The following FAM78B variants were observed in gnomAD, a reference collection of about 807,000 sequenced individuals.
The protein encoded by FAM78B is protein FAM78B.
A neutral mutation model predicts 20.0 loss-of-function variants in FAM78B; 10 were observed. The observed-to-expected ratio is 0.50, with a 90% CI of 0.31 to 0.85. The LOEUF is 0.85. FAM78B is among the 40% of genes least tolerant of loss of function. The pLI is 0.05. For synonymous variants in FAM78B, 135 were observed against 132.8 expected (o/e 1.02, Z -0.12); for missense variants, 283 against 345.0 (o/e 0.82, Z 1.42).
At chr1:166,118,603 CTT>C (rs1654348906) in intron 1 of FAM78B, among the ~76,000 whole-genome samples, 1 of 152,100 alleles carries the variant, frequency 6.6e-6, no homozygotes, top group Non-Finnish European at 1.5e-5. Context: ...TATATATTCT[CTT>C]TGACTGTTTT....
At position 166,107,641 on chromosome 1, in the gene FAM78B, A is replaced by G. The variant is rs1224613726; in HGVS notation, c.264-36878T>C. The stretch of plus-strand genomic sequence containing the variant: ...GAAGGAACCTTCCCTAATTCATTCT[A>G]TGAAGCCAGTATCACCCTAATACCA... On this transcript the variant is annotated intron_variant, in intron 1 of 1. Transcript: ENST00000354422. Among the ~76,000 whole-genome samples, 4 of 152,198 alleles carry G rather than the reference A, an allele frequency of 2.6e-5. No individual in the cohort carries two copies. The East Asian group carries it at 7.7e-4, about 29-fold the overall frequency.
In FAM78B at chr1:166,121,766, G is replaced by T. The variant is rs189553960; in HGVS notation, c.263+44220C>A. On this transcript the variant is annotated intron_variant, in intron 1 of 1. Transcript: ENST00000354422. ...TTACTACCGTCATTCTATAGATGAG[G>T]AACCTGAGACAGAGAGCAGGTAAGC... Among the ~76,000 whole-genome samples the T allele has an allele frequency of 1.4e-4, 21 of 152,268 alleles. No individual in the cohort carries two copies. The East Asian group carries it at 3.5e-3, about 25-fold the overall frequency.
At chr1:166,152,331 G>C (rs374069324) in intron 1 of FAM78B, among the ~76,000 whole-genome samples, 7 of 152,202 alleles carry the variant, frequency 4.6e-5, no homozygotes, top group Admixed American at 4.6e-4. Flanking sequence ...TTCCACGCTG[G>C]CGGGATGCGG....
chr1:166,106,657 G>A (rs2101752583), intron 1 of FAM78B, among the ~76,000 whole-genome samples: 1 of 152,192 alleles, frequency 6.6e-6, no homozygotes, highest in South Asian at 2.1e-4. Flanking sequence ...TGCTAAGTAG[G>A]AGCTAAACAT....
chr1:166,118,391 T>C (rs1313812332), intron 1 of FAM78B, among the ~76,000 whole-genome samples: 1 of 152,170 alleles, frequency 6.6e-6, no homozygotes, highest in Non-Finnish European at 1.5e-5. Context: ...TAATGTATAG[T>C]TTCAGTTAAT....
chr1:166,117,079 G>A (rs986432053), intron 1 of FAM78B, among the ~76,000 whole-genome samples: 7 of 152,140 alleles, frequency 4.6e-5, no homozygotes, highest in African/African-American at 1.7e-4. Flanking sequence ...CCTCATATCT[G>A]GAAGACCAAA....
At chr1:166,062,460 G>A (rs914898409) in intron 2 of FAM78B, among the ~76,000 whole-genome samples, 12 of 152,216 alleles carry the variant, frequency 7.9e-5, no homozygotes, top group African/African-American at 2.7e-4. Flanking sequence ...TCTGATGAAC[G>A]TGCCTGAAGA....
At chr1:166,100,537 G>T (rs113345433) in intron 1 of FAM78B, among the ~76,000 whole-genome samples, 1 of 152,218 alleles carries the variant, frequency 6.6e-6, no homozygotes, top group African/African-American at 2.4e-5. Flanking sequence ...AGCACACCAG[G>T]AGATTATATC....
At chr1:166,082,679 G>C (rs1260144502) in intron 1 of FAM78B, 2 of 152,342 alleles carry the variant, frequency 1.3e-5, no homozygotes. Flanking sequence ...GCCCAGAACA[G>C]GTGCTTCCTT....
chr1:166,113,467 CATT>C (rs1241062788), intron 1 of FAM78B, among the ~76,000 whole-genome samples: 1 of 152,226 alleles, frequency 6.6e-6, no homozygotes, highest in Non-Finnish European at 1.5e-5. Context: ...GCCTTACAAA[CATT>C]AGCGACTAAG....
chr1:166,088,728 T>C (rs979390480), intron 1 of FAM78B, among the ~76,000 whole-genome samples: 1 of 152,084 alleles, frequency 6.6e-6, no homozygotes, highest in Non-Finnish European at 1.5e-5. Flanking sequence ...TCTGGAGGGA[T>C]GTAGGACTGA....
chr1:166,160,533 C>A (rs184702577), intron 1 of FAM78B, among the ~76,000 whole-genome samples: 2 of 152,316 alleles, frequency 1.3e-5, no homozygotes, highest in East Asian at 1.9e-4. Flanking sequence ...GGTGGGGTAA[C>A]ACAGGACAAA....
intron 1 of FAM78B, among the ~76,000 whole-genome samples, chr1:166,101,586 G>A (rs911651460): frequency 2.6e-5 from 4 of 152,196 alleles, no homozygotes; most frequent in African/African-American, 7.2e-5. Context: ...TAGCCGATTC[G>A]ATCAACTGGA....
chr1:166,143,369 T>C (rs113871526), intron 1 of FAM78B, among the ~76,000 whole-genome samples: 1,715 of 152,020 alleles, frequency 0.011, 34 homozygotes, highest in African/African-American at 0.038. Context: ...GGGAGCTACA[T>C]GCCATGTGGT....
chr1:166,123,589 T>C (rs1654539448), intron 1 of FAM78B, among the ~76,000 whole-genome samples: 1 of 152,230 alleles, frequency 6.6e-6, no homozygotes, highest in Non-Finnish European at 1.5e-5. Flanking sequence ...TAGTCAGGAC[T>C]TTTTCATTTG....
At chr1:166,146,653 C>T (rs1423038441) in intron 1 of FAM78B, among the ~76,000 whole-genome samples, 1 of 152,144 alleles carries the variant, frequency 6.6e-6, no homozygotes, top group South Asian at 2.1e-4. Context: ...TGCGAATATA[C>T]AATGGGTCAA....
chr1:166,092,797 TGA>T (rs1350243682), intron 1 of FAM78B, among the ~76,000 whole-genome samples: 4 of 152,200 alleles, frequency 2.6e-5, no homozygotes, highest in Non-Finnish European at 5.9e-5. Context: ...TGTGATACAG[TGA>T]GAGTAAAAGA....
chr1:166,079,338 C>T (rs191732849), intron 1 of FAM78B, among the ~76,000 whole-genome samples: 33 of 152,288 alleles, frequency 2.2e-4, no homozygotes, highest in African/African-American at 7.0e-4. Flanking sequence ...TTCGAGAACA[C>T]TCTCTGGGTA....
At chr1:166,085,298 G>C (rs993770177) in intron 1 of FAM78B, among the ~76,000 whole-genome samples, 2 of 152,170 alleles carry the variant, frequency 1.3e-5, no homozygotes, top group African/African-American at 4.8e-5. Context: ...ACTGAGCATA[G>C]TTGGCTGGGG....
Sources: allele counts gnomAD v4.1 joint callset (sites outside exome capture counted in the v4.1 genomes callset), GRCh38; gene constraint gnomAD v4.1.1; transcripts MANE v1.5; gene names NCBI Gene and HGNC (gene_info 2026-07-23, HGNC 2026-07-21).